The following RALGPS1 variants were observed in gnomAD, a reference collection of about 807,000 sequenced individuals.
RALGPS1 encodes Ral GEF with PH domain and SH3 binding motif 1, also known as ras-specific guanine nucleotide-releasing factor RalGPS1.
A neutral mutation model predicts 78.8 loss-of-function variants in RALGPS1; 19 were observed. The observed-to-expected ratio is 0.24, with a 90% CI of 0.17 to 0.35. The LOEUF (loss-of-function observed/expected upper bound fraction) is 0.35. Ranked by LOEUF, RALGPS1 falls within the 10% of genes least tolerant of loss-of-function variation. The pLI is 1.00. For synonymous variants in RALGPS1, 228 were observed against 256.3 expected (o/e 0.89, Z 1.06); for missense variants, 454 against 688.3 (o/e 0.66, Z 3.81).
intron 13 of RALGPS1, 66 bp downstream of exon 13, chr9:127,196,697 G>GTCTCTGTGTCACTGTGCCATGC: frequency 6.7e-7 from 1 of 1,482,842 alleles, no homozygotes; most frequent in Non-Finnish European, 9.0e-7. Context: ...CTCCGTGTCT[G>GTCTCTGTGTCACTGTGCCATGC]TCTCTGTGTC....
At chr9:127,105,545 A>G (rs1319111264) in intron 8 of RALGPS1, among the ~76,000 whole-genome samples, 5 of 152,238 alleles carry the variant, frequency 3.3e-5, no homozygotes, top group African/African-American at 1.2e-4. Flanking sequence ...TGCCACGTCT[A>G]TCTAATCTCT....
At chr9:126,975,169 A>G (rs2040486474) in intron 3 of RALGPS1, among the ~76,000 whole-genome samples, 1 of 152,250 alleles carries the variant, frequency 6.6e-6, no homozygotes, top group South Asian at 2.1e-4. Context: ...AAAGGATAGA[A>G]ATAGAGATTC....
At chr9:127,070,508 T>A (rs1346546113) in intron 8 of RALGPS1, among the ~76,000 whole-genome samples, 1 of 152,240 alleles carries the variant, frequency 6.6e-6, no homozygotes, top group Non-Finnish European at 1.5e-5. Context: ...CCAGAGAAGT[T>A]GTGTCAATTT....
chr9:126,942,532 T>C (rs962489491), intron 1 of RALGPS1, among the ~76,000 whole-genome samples: 1 of 152,246 alleles, frequency 6.6e-6, no homozygotes, highest in Non-Finnish European at 1.5e-5. Context: ...TCCTCACATA[T>C]ACTGGATCCT....
intron 11 of RALGPS1, among the ~76,000 whole-genome samples, chr9:127,175,464 C>T (rs547963259): frequency 4.6e-5 from 7 of 152,196 alleles, no homozygotes; most frequent in East Asian, 1.9e-4. Flanking sequence ...GCTGCTTCAT[C>T]GTTATTATTT....
intron 1 of RALGPS1, among the ~76,000 whole-genome samples, chr9:126,940,173 G>C (rs527932979): frequency 1.3e-3 from 198 of 152,208 alleles, no homozygotes; most frequent in African/African-American, 4.4e-3. Context: ...TGTGCAAATA[G>C]CCTGGGTTAT....
intron 7 of RALGPS1, among the ~76,000 whole-genome samples, chr9:127,055,939 G>A (rs2048706352): frequency 1.3e-5 from 2 of 152,242 alleles, no homozygotes; most frequent in African/African-American, 4.8e-5. Flanking sequence ...GAGTGCAGCA[G>A]AAAGAGCAGT....
rs1481032058 is a variant in RALGPS1 at position 127,205,861 on chromosome 9, C to T, written c.1248-6270C>T. On this transcript the variant is annotated intron_variant, in intron 14 of 18. Transcript: ENST00000259351. This position sits in a 1 kb window ranked among gnomAD's most constrained non-coding sequence, Gnocchi z 4.0. The stretch of plus-strand genomic sequence containing the variant: ...CTAATCACCAGGAGAGAAGATCTGG[C>T]ATACCTGGCTTGGATCACTGGTGTT... Among the ~76,000 whole-genome samples, 1 of 152,228 alleles carries T rather than the reference C, an allele frequency of 6.6e-6. No individual in the cohort carries two copies. The highest frequency in any genetic ancestry group is 1.5e-5 in the Non-Finnish European group (1 of 68,040).
chr9:127,089,267 C>T (rs987334711), intron 8 of RALGPS1: 40 of 926,888 alleles, frequency 4.3e-5, no homozygotes, highest in Non-Finnish European at 5.8e-5. Flanking sequence ...AAGGTGGACC[C>T]GTCTCCATGG....
At chr9:127,108,116 T>G in intron 8 of RALGPS1, 10 of 1,613,650 alleles carry the variant, frequency 6.2e-6, no homozygotes, top group Non-Finnish European at 8.5e-6. Context: ...GAGGGCACCC[T>G]CTGGCAGTGC....
chr9:127,014,063 C>G (rs978739071), intron 4 of RALGPS1, among the ~76,000 whole-genome samples: 3 of 152,202 alleles, frequency 2.0e-5, no homozygotes, highest in Admixed American at 1.3e-4. Context: ...AGAGGAGGCA[C>G]TCCGTGAAGA....
chr9:127,091,228 G>T lies in RALGPS1; in HGVS notation c.610+21872G>T, dbSNP rs868282604. 2.6e-4 allele frequency among the ~76,000 whole-genome samples: 40 copies of T among 152,350 alleles called. No individual in the cohort carries two copies. Among genetic ancestry groups the T allele is most frequent in the African/African-American group, 9.1e-4 (38 of 41,584 alleles). The stretch of plus-strand genomic sequence containing the variant: ...AGATGCAGAAACTGAGACCCACGGA[G>T]ATTTAGCAGTATGCCCAAGGACACA... On this transcript the variant is annotated intron_variant, in intron 8 of 18. Coordinates refer to ENST00000259351, the MANE Select transcript of RALGPS1 (RefSeq NM_014636.3). This position sits in a 1 kb window ranked among gnomAD's most constrained non-coding sequence, Gnocchi z 4.3.
chr9:127,094,707 C>T (rs766468850), intron 8 of RALGPS1, among the ~76,000 whole-genome samples: 1 of 152,230 alleles, frequency 6.6e-6, no homozygotes, highest in Admixed American at 6.5e-5. Flanking sequence ...TTGGCACTCA[C>T]GCATTCTGAG....
At chr9:126,967,509 C>A (rs1012393825) in intron 3 of RALGPS1, among the ~76,000 whole-genome samples, 1 of 152,078 alleles carries the variant, frequency 6.6e-6, no homozygotes, top group Non-Finnish European at 1.5e-5. Context: ...TTCTTCATAA[C>A]TCTTATTACT....
At chr9:126,999,484 C>A (rs1044212686) in intron 4 of RALGPS1, among the ~76,000 whole-genome samples, 1 of 152,192 alleles carries the variant, frequency 6.6e-6, no homozygotes, top group Non-Finnish European at 1.5e-5. Context: ...ACCTATTCAT[C>A]TCTTCTTCTC....
intron 7 of RALGPS1, among the ~76,000 whole-genome samples, chr9:127,067,847 G>A (rs773874745): frequency 2.6e-5 from 4 of 152,170 alleles, no homozygotes; most frequent in East Asian, 1.9e-4. Context: ...ACCCCTCCCC[G>A]AACTCCTCCT....
At chr9:127,054,605 A>G (rs923479564) in intron 7 of RALGPS1, among the ~76,000 whole-genome samples, 4 of 152,084 alleles carry the variant, frequency 2.6e-5, no homozygotes, top group Admixed American at 2.0e-4. Flanking sequence ...AGTATCCAGG[A>G]CCACTCTGTT....
intron 6 of RALGPS1, 94 bp from the exon 7 acceptor site, chr9:127,052,753 G>T: frequency 1.3e-6 from 1 of 787,896 alleles, no homozygotes. Context: ...AAGTGTAATT[G>T]AATTTCATAA....
chr9:126,969,323 C>T (rs1026348775), intron 3 of RALGPS1, among the ~76,000 whole-genome samples: 1 of 152,192 alleles, frequency 6.6e-6, no homozygotes, highest in Non-Finnish European at 1.5e-5. Context: ...CAGTGCAGTG[C>T]CTTGAACTCC....
Sources: gnomAD v4.1 joint callset for allele counts (sites outside exome capture counted in the v4.1 genomes callset) on GRCh38, gnomAD v4.1.1 for gene constraint, Gnocchi (gnomAD v3.1) non-coding constraint, MANE v1.5 for transcripts, NCBI Gene and HGNC (gene_info 2026-07-23, HGNC 2026-07-21) for gene names.